ABTB2: variants seen among roughly 807,000 people sequenced by gnomAD.
ABTB2 encodes the protein ankyrin repeat and BTB domain containing 2.
A neutral mutation model predicts 104.1 loss-of-function variants in ABTB2; 56 were observed. The ratio of observed to expected loss-of-function variants is 0.54; its 90% CI spans 0.43 to 0.67. ABTB2 has a LOEUF of 0.67. ABTB2 is among the 30% of genes least tolerant of loss of function. The pLI is 0.00. For missense variants in ABTB2, 1,279 were observed against 1,407.7 expected (o/e 0.91, Z 1.46); for synonymous variants, 606 against 608.2 (o/e 1.00, Z 0.05).
At chr11:34,273,545 C>G (rs1371695623) in intron 1 of ABTB2, among the ~76,000 whole-genome samples, 1 of 152,122 alleles carries the variant, frequency 6.6e-6, no homozygotes, top group African/African-American at 2.4e-5. Context: ...TGCTTAAAGA[C>G]TCCTCCTCCA....
intron 1 of ABTB2, chr11:34,335,609 C>A: frequency 1.3e-6 from 2 of 1,504,852 alleles, no homozygotes; most frequent in Non-Finnish European, 1.8e-6. Flanking sequence ...CTGTTAATTT[C>A]TTGTTCAACA....
chr11:34,287,652 T>G (rs570614777), intron 1 of ABTB2, among the ~76,000 whole-genome samples: 1 of 152,346 alleles, frequency 6.6e-6, no homozygotes, highest in Non-Finnish European at 1.5e-5. Flanking sequence ...CTTCCAATTT[T>G]TGAAGACAGT....
At position 34,198,870 on chromosome 11, in the gene ABTB2, A is replaced by AC. The variant is rs1178804744; in HGVS notation, c.1031-1333dup. Among the ~76,000 whole-genome samples, 3 of 152,106 alleles carry AC rather than the reference A, an allele frequency of 2.0e-5. No homozygotes were observed. In the East Asian group the frequency reaches 5.8e-4, roughly 29 times the overall value. On this transcript the variant is annotated intron_variant, in intron 2 of 16. Coordinates refer to ENST00000435224, the MANE Select transcript of ABTB2 (RefSeq NM_145804.3). ...CTCCTTCGGGGTCAGCTTCAGCCTC[A>AC]CCCCTGGCCATTCCTTAGAGAGAGC...
At chr11:34,337,124 T>C (rs1855200935) in intron 1 of ABTB2, among the ~76,000 whole-genome samples, 1 of 152,230 alleles carries the variant, frequency 6.6e-6, no homozygotes, top group South Asian at 2.1e-4. Flanking sequence ...GTGAGTGGAT[T>C]CGGATGAGTG....
chr11:34,158,485 CTAT>C (rs1852661461), intron 14 of ABTB2, among the ~76,000 whole-genome samples: 1 of 152,226 alleles, frequency 6.6e-6, no homozygotes, highest in African/African-American at 2.4e-5. Context: ...GCAATCTCTC[CTAT>C]TATATCACAA....
chr11:34,329,597 T>C (rs1445904244), intron 1 of ABTB2, among the ~76,000 whole-genome samples: 1 of 152,232 alleles, frequency 6.6e-6, no homozygotes, highest in Non-Finnish European at 1.5e-5. Flanking sequence ...CCAGAATCTT[T>C]GAGCTATCAC....
At chr11:34,156,789 G>A (rs1852634404) in intron 14 of ABTB2, among the ~76,000 whole-genome samples, 1 of 152,210 alleles carries the variant, frequency 6.6e-6, no homozygotes, top group African/African-American at 2.4e-5. Context: ...CTCCAAAAGT[G>A]CTGGGATTAC....
intron 1 of ABTB2, among the ~76,000 whole-genome samples, chr11:34,253,493 T>A (rs1002882647): frequency 6.6e-6 from 1 of 151,994 alleles, no homozygotes; most frequent in African/African-American, 2.4e-5. Flanking sequence ...CTGGCCAGCA[T>A]AGTGAAACCT....
At chr11:34,353,581 C>A (rs986783265) in intron 1 of ABTB2, among the ~76,000 whole-genome samples, 1 of 152,212 alleles carries the variant, frequency 6.6e-6, no homozygotes, top group African/African-American at 2.4e-5. Context: ...ACTCCTGCTG[C>A]TCTACGGAGC....
At chr11:34,294,347 T>C (rs1854596258) in intron 1 of ABTB2, among the ~76,000 whole-genome samples, 1 of 151,696 alleles carries the variant, frequency 6.6e-6, no homozygotes, top group African/African-American at 2.4e-5. Context: ...AAGAGAGAGA[T>C]CAAGAAAGAA....
chr11:34,164,860 A>G, intron 8 of ABTB2, 39 bp from the exon 9 acceptor site: 8 of 1,569,130 alleles, frequency 5.1e-6, no homozygotes, highest in Non-Finnish European at 6.9e-6. Context: ...ACACTGAGAC[A>G]GTAGCCGCCA....
At chr11:34,327,406 A>T (rs1590257783) in intron 1 of ABTB2, among the ~76,000 whole-genome samples, 1 of 152,116 alleles carries the variant, frequency 6.6e-6, no homozygotes. Flanking sequence ...TCTGTGTCCC[A>T]CCCTAGGAAT....
rs370517811 is a variant in ABTB2 at position 34,183,337 on chromosome 11, C to A, written c.1245-10030G>T. On this transcript the variant is annotated intron_variant, in intron 3 of 16. Transcript: ENST00000435224. ...CTGGTCTTGAACCCCTGGACTCAAG[C>A]CAACTGCCTACCTTGGCATCCCAAA... 5.3e-5 allele frequency among the ~76,000 whole-genome samples: 8 copies of A among 152,322 alleles called. No individual in the cohort carries two copies. The East Asian group carries it at 1.5e-3, about 29-fold the overall frequency.
intron 1 of ABTB2, among the ~76,000 whole-genome samples, chr11:34,206,205 C>T (rs1174665053): frequency 6.6e-6 from 1 of 151,988 alleles, no homozygotes; most frequent in Admixed American, 6.6e-5. Flanking sequence ...ATTAAAAATA[C>T]AAAAATTAGC....
chr11:34,317,379 C>G (rs990784914), intron 1 of ABTB2, among the ~76,000 whole-genome samples: 1 of 152,156 alleles, frequency 6.6e-6, no homozygotes. Flanking sequence ...TCTCCCGCAT[C>G]TTGTATTTTT....
At chr11:34,288,638 G>C (rs1854532380) in intron 1 of ABTB2, among the ~76,000 whole-genome samples, 2 of 152,162 alleles carry the variant, frequency 1.3e-5, no homozygotes, top group South Asian at 2.1e-4. Context: ...GGGGCGGGAG[G>C]GGGTAGTTAG....
intron 1 of ABTB2, among the ~76,000 whole-genome samples, chr11:34,234,243 G>A (rs897619750): frequency 6.6e-6 from 1 of 152,170 alleles, no homozygotes; most frequent in Non-Finnish European, 1.5e-5. Context: ...GAGCTTCCGG[G>A]TGAAGTCATG....
intron 2 of ABTB2, among the ~76,000 whole-genome samples, chr11:34,201,656 C>T (rs1223985408): frequency 2.0e-5 from 3 of 152,166 alleles, no homozygotes; most frequent in Non-Finnish European, 2.9e-5. Context: ...TCACTAGCCT[C>T]ATTAAGTTCT....
chr11:34,323,906 CTTTTTTTTTTTTTTT>C (rs56375939), intron 1 of ABTB2, among the ~76,000 whole-genome samples: 28 of 63,880 alleles, frequency 4.4e-4, no homozygotes, highest in African/African-American at 2.0e-3. Flanking sequence ...TAAATTCCCT[CTTTTTTTTTTTTTTT>C]TTTTTTTTTT....
Sources: allele counts gnomAD v4.1 joint callset (sites outside exome capture counted in the v4.1 genomes callset), GRCh38; gene constraint gnomAD v4.1.1; transcripts MANE v1.5; gene names NCBI Gene and HGNC (gene_info 2026-07-23, HGNC 2026-07-21).